NUP153: variants seen among roughly 807,000 people sequenced by gnomAD.
NUP153 encodes the protein nucleoporin 153, also known as nuclear pore complex protein Nup153.
A neutral mutation model predicts 134.6 loss-of-function variants in NUP153; 27 were observed. That is an observed-to-expected ratio of 0.20 (90% CI 0.15 to 0.28). The LOEUF is 0.28. Ranked by LOEUF, NUP153 falls within the 10% of genes least tolerant of loss-of-function variation. The pLI, the probability that NUP153 is intolerant of heterozygous loss-of-function variation, is 1.00. For synonymous variants in NUP153, 640 were observed against 623.5 expected (o/e 1.03, Z -0.40); for missense variants, 1,821 against 1,731.3 (o/e 1.05, Z -0.92).
At chr6:17,655,424 C>T (rs201231288) in intron 11 of NUP153, among the ~76,000 whole-genome samples, 2 of 140,016 alleles carry the variant, frequency 1.4e-5, no homozygotes, top group Admixed American at 6.8e-5. Flanking sequence ...ATGAAAATGC[C>T]GCCCCCACAA....
intron 11 of NUP153, 102 bp from the exon 12 acceptor site, chr6:17,649,402 G>T: frequency 2.7e-6 from 3 of 1,098,416 alleles, no homozygotes; most frequent in Non-Finnish European, 3.9e-6. Context: ...ATGGTACCAT[G>T]TAGTGTTAAC....
chr6:17,680,255 A>G lies in NUP153; in HGVS notation c.335-4485T>C, dbSNP rs997788890. 2.0e-5 allele frequency among the ~76,000 whole-genome samples: 3 copies of G among 152,180 alleles called. No homozygotes were observed. Among genetic ancestry groups the G allele is most frequent in the Admixed American group, 1.3e-4 (2 of 15,260 alleles). On this transcript the variant is annotated intron_variant, in intron 2 of 21. Transcript: ENST00000262077. This position sits in a 1 kb window ranked among gnomAD's most constrained non-coding sequence, Gnocchi z 4.5. ...TGTGGTCTGTAATACTGTAATAAAG[A>G]CAGGCAATACAGACCATGGACGTGA...
chr6:17,623,374 A>C (rs1225988484), intron 20 of NUP153, among the ~76,000 whole-genome samples: 4 of 151,944 alleles, frequency 2.6e-5, no homozygotes, highest in Non-Finnish European at 2.9e-5. Context: ...AAAAAAAAAA[A>C]AACCTTTTAA....
At position 17,616,391 on chromosome 6, in the gene NUP153, T is replaced by C. The variant is rs186888223; in HGVS notation, c.4343+136A>G. The C allele has an allele frequency of 2.9e-3, 2,435 of 852,336 alleles. 7 individuals are homozygous for C. The highest frequency in any genetic ancestry group is 3.4e-3 in the Non-Finnish European group (1,931 of 559,914). 52.8% of individuals were successfully genotyped at this position (852,336 alleles called of 1,614,324 possible). On this transcript the variant is annotated intron_variant, in intron 21 of 21. Transcript: ENST00000262077. ...AATATAATCCTCCAGAATTATAGTA[T>C]GGTAAATTTATGTTGGAGAACATAT... is the stretch of plus-strand genomic sequence containing the variant.
At chr6:17,667,691 G>A (rs1157853609) in intron 8 of NUP153, among the ~76,000 whole-genome samples, 1 of 152,136 alleles carries the variant, frequency 6.6e-6, no homozygotes, top group African/African-American at 2.4e-5. Context: ...ACTCCAGCCT[G>A]GGTGACAGAG....
In NUP153 at chr6:17,637,216, C is replaced by G. The variant is rs1765592114; in HGVS notation, c.2401G>C (p.Val801Leu). 6.2e-7 allele frequency: 1 copy of G among 1,614,188 alleles called. No individual in the cohort carries two copies. Among genetic ancestry groups the G allele is most frequent in the East Asian group, 2.2e-5 (1 of 44,886 alleles). The part of the protein sequence containing the change: ...KRPIGSWECS[V>L]CCVSNNAEDN... ...TCTGCATTATTAGAAACACAGCATA[C>G]TGAACACTCCCAAGATCCAATGGGC... Residue 801 changes from valine (V) to leucine (L), a missense_variant, in exon 16 of 22, where the codon GTA (valine) becomes CTA (leucine). By Grantham distance (32) the Val-to-Leu change is conservative. Coordinates refer to ENST00000262077, the MANE Select transcript of NUP153 (RefSeq NM_005124.4).
At chr6:17,669,401 C>T (rs767373621) in intron 6 of NUP153, 29 bp downstream of exon 6, 1 of 1,593,280 alleles carries the variant, frequency 6.3e-7, no homozygotes, top group East Asian at 2.2e-5. Flanking sequence ...TGTTACACTC[C>T]TGTATTAATC....
At chr6:17,701,261 G>A (rs1221513458) in intron 1 of NUP153, among the ~76,000 whole-genome samples, 1 of 151,508 alleles carries the variant, frequency 6.6e-6, no homozygotes, top group Non-Finnish European at 1.5e-5. Context: ...CAGGTGCAGT[G>A]GCTCACGCTT....
intron 13 of NUP153, among the ~76,000 whole-genome samples, chr6:17,646,747 T>G (rs1766208728): frequency 6.6e-6 from 1 of 151,918 alleles, no homozygotes; most frequent in African/African-American, 2.4e-5. Flanking sequence ...TTTCCTTTTT[T>G]TTTTGTTTTG....
chr6:17,629,080 A>T lies in NUP153; in HGVS notation c.3119T>A (p.Val1040Glu). The T allele has an allele frequency of 6.2e-7, 1 of 1,614,194 alleles. No individual in the cohort carries two copies. The highest frequency in any genetic ancestry group is 8.5e-7 in the Non-Finnish European group (1 of 1,180,012). ...NSTPAPANTI[V>E]TSENKSSFNL... ...GAAGCTGCTCTTGTTCTCAGAGGTC[A>T]CTATGGTGTTAGCAGGAGCAGGGGT... Residue 1040 changes from valine to glutamate, a missense_variant, in exon 18 of 22, where the codon GTG becomes GAG. Transcript: ENST00000262077.
chr6:17,641,714 G>C (rs1025309639), intron 14 of NUP153, among the ~76,000 whole-genome samples: 1 of 152,036 alleles, frequency 6.6e-6, no homozygotes, highest in Non-Finnish European at 1.5e-5. Flanking sequence ...AATTAGCCGG[G>C]CGTGGTGGCA....
intron 20 of NUP153, 117 bp downstream of exon 20, chr6:17,624,444 G>T: frequency 1.0e-6 from 1 of 971,472 alleles, no homozygotes; most frequent in Non-Finnish European, 1.5e-6. Flanking sequence ...TCTCTATTCT[G>T]CCAAGTACAA....
At chr6:17,632,296 C>T (rs1389074181) in intron 17 of NUP153, among the ~76,000 whole-genome samples, 1 of 150,338 alleles carries the variant, frequency 6.7e-6, no homozygotes. Context: ...ACAAAACTGT[C>T]TCAAAAACAA....
In NUP153 at chr6:17,625,080, C is replaced by T. The variant is rs145147755; in HGVS notation, c.3902-247G>A. Among the ~76,000 whole-genome samples, 272 of 152,230 alleles carry T rather than the reference C, an allele frequency of 1.8e-3. 1 individual carries two copies. Among genetic ancestry groups the T allele is most frequent in the African/African-American group, 6.0e-3 (249 of 41,546 alleles). ...AACAACTACTCCACACCTTTACAGC[C>T]GACAATTTCTGGTAAAGGAACATAT... On this transcript the variant is annotated intron_variant, in intron 19 of 21. Transcript: ENST00000262077. The surrounding 1 kb of genome is among the most constrained non-coding windows in gnomAD (Gnocchi z 4.7).
At chr6:17,682,691 T>C (rs184657984) in intron 2 of NUP153, among the ~76,000 whole-genome samples, 1 of 151,860 alleles carries the variant, frequency 6.6e-6, no homozygotes, top group Non-Finnish European at 1.5e-5. Context: ...GGCTGAGGGG[T>C]GCAGATCACT....
At chr6:17,674,769 T>C (rs987368890) in intron 5 of NUP153, 136 bp downstream of exon 5, 6 of 756,626 alleles carry the variant, frequency 7.9e-6, no homozygotes, top group Non-Finnish European at 1.1e-5. Flanking sequence ...CAAGACTCCA[T>C]CTCGAAAAAA....
At chr6:17,660,370 A>T (rs1306431790) in intron 11 of NUP153, among the ~76,000 whole-genome samples, 1 of 152,190 alleles carries the variant, frequency 6.6e-6, no homozygotes, top group East Asian at 1.9e-4. Context: ...CAAATGGTTA[A>T]GCTAAGCTGA....
In NUP153 at chr6:17,706,071, C is replaced by T. The variant is rs540110667; in HGVS notation, c.111+206G>A. On this transcript the variant is annotated intron_variant, in intron 1 of 21. Transcript: ENST00000262077. This position sits in a 1 kb window ranked among gnomAD's most constrained non-coding sequence, Gnocchi z 5.9. ...AGAGTTGGGGGAAAGGCGGCCCAAA[C>T]CACACGTGTGCGCCGCAAGGCTGGG... 1.3e-5 allele frequency among the ~76,000 whole-genome samples: 2 copies of T among 152,346 alleles called. No homozygotes were observed. Among genetic ancestry groups the T allele is most frequent in the South Asian group, 2.1e-4 (1 of 4,830 alleles).
chr6:17,699,372 A>C (rs1209122140), intron 1 of NUP153, among the ~76,000 whole-genome samples: 1 of 150,472 alleles, frequency 6.6e-6, no homozygotes, highest in Non-Finnish European at 1.5e-5. Flanking sequence ...GGTGCGTGCT[A>C]CTCCAGAGGC....
Sources: gnomAD v4.1 joint callset for allele counts (sites outside exome capture counted in the v4.1 genomes callset) on GRCh38, gnomAD v4.1.1 for gene constraint, Gnocchi (gnomAD v3.1) non-coding constraint, MANE v1.5 for transcripts, NCBI Gene and HGNC (gene_info 2026-07-23, HGNC 2026-07-21) for gene names.